The following EDN1 variants were observed in gnomAD, a reference collection of about 807,000 sequenced individuals.
EDN1 encodes the protein endothelin 1.
In EDN1, 11 loss-of-function variants were observed where a neutral mutation model predicts 21.7. The observed-to-expected ratio is 0.51, with a 90% CI of 0.32 to 0.84. The LOEUF is 0.84. Among genes scored for constraint, EDN1 ranks in the 40% least tolerant of loss-of-function variants. EDN1 has a pLI of 0.03. For missense variants in EDN1, 244 were observed against 262.3 expected (o/e 0.93, Z 0.48); for synonymous variants, 85 against 90.6 (o/e 0.94, Z 0.35).
chr6:12,287,712 T>TCTCACA (rs1380647005), upstream of EDN1, among the ~76,000 whole-genome samples: 5 of 103,050 alleles, frequency 4.9e-5, no homozygotes, highest in Admixed American at 1.0e-4. Context: ...TCTCTCTCTC[T>TCTCACA]CACACACACA....
the EDN1 span, among the ~76,000 whole-genome samples, chr6:12,267,414 A>G: frequency 1.1e-4 from 16 of 152,224 alleles, no homozygotes; most frequent in African/African-American, 3.9e-4. Context: ...ATAAGAAAGC[A>G]AAATGCCAGA....
At chr6:12,276,033 G>C in the EDN1 span, among the ~76,000 whole-genome samples, 1 of 151,786 alleles carries the variant, frequency 6.6e-6, no homozygotes, top group Non-Finnish European at 1.5e-5. Context: ...GTGGTGGTGG[G>C]TGCCTGTAGT....
At chr6:12,248,422 C>A in the EDN1 span, among the ~76,000 whole-genome samples, 1 of 152,186 alleles carries the variant, frequency 6.6e-6, no homozygotes, top group Non-Finnish European at 1.5e-5. Context: ...CAACCCTCAC[C>A]TCCTCTGTCT....
chr6:12,270,415 G>T, the EDN1 span, among the ~76,000 whole-genome samples: 1 of 151,870 alleles, frequency 6.6e-6, no homozygotes, highest in East Asian at 1.9e-4. Context: ...GATGTTAATT[G>T]CTATATACTT....
At chr6:12,284,176 C>T in the EDN1 span, among the ~76,000 whole-genome samples, 2 of 152,192 alleles carry the variant, frequency 1.3e-5, no homozygotes, top group African/African-American at 4.8e-5. Context: ...GGATGCACAT[C>T]ACGTTAGAGA....
chr6:12,272,692 C>A, the EDN1 span, among the ~76,000 whole-genome samples: 1 of 151,094 alleles, frequency 6.6e-6, no homozygotes, highest in Non-Finnish European at 1.5e-5. Context: ...GCCTTGAACT[C>A]CTGACCTCCG....
upstream of EDN1, among the ~76,000 whole-genome samples, chr6:12,285,933 A>T (rs1237293399): frequency 6.6e-6 from 1 of 152,214 alleles, no homozygotes; most frequent in East Asian, 1.9e-4. Context: ...CTATGATTTC[A>T]TGTAGTTTTT....
At chr6:12,251,081 C>A in the EDN1 span, among the ~76,000 whole-genome samples, 3 of 152,174 alleles carry the variant, frequency 2.0e-5, no homozygotes, top group Non-Finnish European at 2.9e-5. Flanking sequence ...GAGATACCAC[C>A]TTAGCTGCTG....
At chr6:12,246,794 C>T in the EDN1 span, among the ~76,000 whole-genome samples, 1 of 152,178 alleles carries the variant, frequency 6.6e-6, no homozygotes, top group Non-Finnish European at 1.5e-5. Context: ...GTCCCAGTAA[C>T]ACTCTCATCC....
the EDN1 span, among the ~76,000 whole-genome samples, chr6:12,273,225 G>A: frequency 1.3e-5 from 2 of 152,196 alleles, no homozygotes; most frequent in Non-Finnish European, 1.5e-5. Flanking sequence ...GTGGGGGCTA[G>A]GCCAGCAAAG....
upstream of EDN1, among the ~76,000 whole-genome samples, chr6:12,287,753 C>G (rs576957728): frequency 1.7e-5 from 1 of 57,834 alleles, no homozygotes; most frequent in Admixed American, 1.7e-4. Flanking sequence ...CACACACACA[C>G]AGGCGCGCGC....
chr6:12,273,991 A>G, the EDN1 span, among the ~76,000 whole-genome samples: 2 of 152,154 alleles, frequency 1.3e-5, no homozygotes, highest in African/African-American at 4.8e-5. Flanking sequence ...TTACCCATAT[A>G]TTGTACTTGG....
the EDN1 span, among the ~76,000 whole-genome samples, chr6:12,273,005 A>G: frequency 6.6e-6 from 1 of 152,140 alleles, no homozygotes; most frequent in Non-Finnish European, 1.5e-5. Context: ...TAGGCAGGAA[A>G]GACACAGTCC....
chr6:12,254,654 G>A, the EDN1 span, among the ~76,000 whole-genome samples: 1 of 152,050 alleles, frequency 6.6e-6, no homozygotes, highest in South Asian at 2.1e-4. Context: ...TCATCAGAAG[G>A]ATTTGACCAA....
rs778612709 is a variant in EDN1, at chr6:12,297,110, T to C, written c.*1043T>C. The stretch of plus-strand genomic sequence containing the variant: ...TTGGTCTATGTATTTTTAAAATATG[T>C]ATTTCTAAATGAAATTGAGAACATG... On this transcript the variant is annotated 3_prime_UTR_variant, in exon 5 of 5. Coordinates refer to ENST00000379375, the MANE Select transcript of EDN1 (RefSeq NM_001955.5). The C allele has an allele frequency of 6.6e-6, 1 of 152,236 alleles. No homozygotes were observed. The highest frequency in any genetic ancestry group is 1.5e-5 in the Non-Finnish European group (1 of 68,044). The allele number at this position is 152,236 out of a possible 1,614,324, so 9.4% of individuals were successfully genotyped here.
chr6:12,292,549 A>G (rs1762712219), intron 2 of EDN1, 40 bp downstream of exon 2: 2 of 1,612,596 alleles, frequency 1.2e-6, no homozygotes, highest in Non-Finnish European at 1.7e-6. Context: ...GTCATTCATT[A>G]GCGCTGGCTC....
chr6:12,260,552 A>G, the EDN1 span, among the ~76,000 whole-genome samples: 2 of 152,124 alleles, frequency 1.3e-5, no homozygotes, highest in Non-Finnish European at 2.9e-5. Context: ...CTCAGTGCAT[A>G]CCTTCCTCTT....
chr6:12,292,310 T>A (rs1762703529), intron 1 of EDN1, 31 bp from the exon 2 acceptor site: 2 of 1,611,528 alleles, frequency 1.2e-6, no homozygotes, highest in Admixed American at 1.7e-5. Flanking sequence ...TGAGGAGACA[T>A]CCCCCACTGA....
intron 4 of EDN1, among the ~76,000 whole-genome samples, chr6:12,295,161 T>C (rs1050675944): frequency 1.3e-5 from 2 of 152,162 alleles, no homozygotes; most frequent in African/African-American, 4.8e-5. Context: ...ATGTTCTGCA[T>C]TTTTCTATCA....
Sources: allele counts gnomAD v4.1 joint callset (sites outside exome capture counted in the v4.1 genomes callset), GRCh38; gene constraint gnomAD v4.1.1; transcripts MANE v1.5; gene names NCBI Gene and HGNC (gene_info 2026-07-23, HGNC 2026-07-21).